The following CERS3 variants were observed in gnomAD, a reference collection of about 807,000 sequenced individuals.
CERS3 encodes the protein ceramide synthase 3, also known as LAG1 homolog, ceramide synthase 3.
In CERS3, 33 loss-of-function variants were observed where a neutral mutation model predicts 50.3. The observed-to-expected ratio is 0.66, with a 90% CI of 0.50 to 0.88. The LOEUF is 0.88. CERS3 is among the 40% of genes least tolerant of loss of function. The probability of loss-of-function intolerance (pLI) is 0.00; values close to 1 mark genes in which losing one functional copy is unlikely to be tolerated. For missense variants in CERS3, 470 were observed against 460.3 expected, an observed-to-expected ratio of 1.02 and a Z score of -0.19; for synonymous variants, 176 against 155.2, an observed-to-expected ratio of 1.13 and a Z score of -0.99.
In CERS3 at chr15:100,518,124, G is replaced by C. The variant is rs573197500; in HGVS notation, c.-2+3543C>G. ...TCGTAAGACCTCATACTGGAAAAAG[G>C]CTAGTCTTTTCTGTCTAGCCCTGTC... On this transcript the variant is annotated intron_variant, in intron 2 of 11. Transcript: ENST00000679737. Among the ~76,000 whole-genome samples the C allele has an allele frequency of 2.6e-5, 4 of 152,262 alleles. No individual in the cohort carries two copies. The East Asian group carries it at 7.7e-4, about 29-fold the overall frequency.
intron 10 of CERS3, among the ~76,000 whole-genome samples, chr15:100,462,110 G>C (rs907132451): frequency 8.5e-5 from 13 of 152,146 alleles, no homozygotes; most frequent in Non-Finnish European, 1.0e-4. Flanking sequence ...TACAGCAACT[G>C]AATGGAATTT....
chr15:100,417,352 C>T (rs1195218445), intron 11 of CERS3, among the ~76,000 whole-genome samples: 1 of 152,136 alleles, frequency 6.6e-6, no homozygotes, highest in Non-Finnish European at 1.5e-5. Flanking sequence ...TCACTCCCAC[C>T]CTAATACTGC....
At chr15:100,484,507 G>T (rs934330300) in intron 5 of CERS3, 43 bp downstream of exon 5, 2 of 1,353,104 alleles carry the variant, frequency 1.5e-6, no homozygotes, top group Admixed American at 1.7e-5. Context: ...CTCAGCTCCA[G>T]ATAGGACGGC....
intron 2 of CERS3, among the ~76,000 whole-genome samples, chr15:100,507,615 C>G (rs2036222296): frequency 6.6e-6 from 1 of 152,238 alleles, no homozygotes; most frequent in African/African-American, 2.4e-5. Flanking sequence ...GACATGCCAC[C>G]AGCTCAGCAT....
At chr15:100,407,693 T>A (rs2031157784) in intron 11 of CERS3, among the ~76,000 whole-genome samples, 1 of 152,238 alleles carries the variant, frequency 6.6e-6, no homozygotes, top group South Asian at 2.1e-4. Context: ...GTTGTATCAG[T>A]ACTGGACATT....
chr15:100,539,911 T>A (rs2037159101), intron 1 of CERS3, among the ~76,000 whole-genome samples: 2 of 152,134 alleles, frequency 1.3e-5, no homozygotes, highest in Admixed American at 1.3e-4. Flanking sequence ...CTGTTTCCCT[T>A]CCCTTTCTGG....
At chr15:100,489,240 G>C (rs181859280) in intron 4 of CERS3, among the ~76,000 whole-genome samples, 1 of 152,188 alleles carries the variant, frequency 6.6e-6, no homozygotes, top group South Asian at 2.1e-4. Context: ...TAGCATGGTG[G>C]AAAGGTCACT....
intron 3 of CERS3, among the ~76,000 whole-genome samples, chr15:100,497,888 CACA>C (rs2035872699): frequency 1.5e-5 from 1 of 67,088 alleles, no homozygotes; most frequent in Admixed American, 1.5e-4. Context: ...CACACACACA[CACA>C]CACACTTTTT....
intron 1 of CERS3, among the ~76,000 whole-genome samples, chr15:100,537,562 C>T (rs576142925): frequency 3.3e-5 from 5 of 152,238 alleles, no homozygotes; most frequent in South Asian, 2.1e-4. Flanking sequence ...AAGTGCCAAG[C>T]GAAGTGGGGA....
intron 11 of CERS3, among the ~76,000 whole-genome samples, chr15:100,409,492 C>T (rs754972183): frequency 2.0e-5 from 3 of 152,074 alleles, no homozygotes; most frequent in Admixed American, 6.5e-5. Flanking sequence ...AAAACCATAT[C>T]GCAACTGCAG....
chr15:100,477,589 T>C (rs66582569), intron 7 of CERS3, among the ~76,000 whole-genome samples: 9,874 of 152,262 alleles, frequency 0.065, 359 homozygotes, highest in African/African-American at 0.088. Flanking sequence ...AAGTGAACCC[T>C]GTTTCTTGAG....
intron 11 of CERS3, among the ~76,000 whole-genome samples, chr15:100,404,174 G>A (rs2030792630): frequency 6.6e-6 from 1 of 152,174 alleles, no homozygotes; most frequent in Non-Finnish European, 1.5e-5. Context: ...ACACGACCCT[G>A]CTAACTGACA....
intron 11 of CERS3, among the ~76,000 whole-genome samples, chr15:100,421,660 A>G (rs1464901396): frequency 6.6e-6 from 1 of 150,464 alleles, no homozygotes; most frequent in African/African-American, 2.5e-5. Flanking sequence ...AGCTGGAGGC[A>G]TCATGCTACC....
chr15:100,448,846 C>T (rs1435703277), intron 11 of CERS3, among the ~76,000 whole-genome samples: 3 of 152,194 alleles, frequency 2.0e-5, no homozygotes, highest in African/African-American at 7.2e-5. Flanking sequence ...AAGTGCAAGC[C>T]ACTGGCAGTG....
At chr15:100,429,225 G>A (rs1050273849) in intron 11 of CERS3, among the ~76,000 whole-genome samples, 10 of 152,184 alleles carry the variant, frequency 6.6e-5, no homozygotes, top group African/African-American at 2.2e-4. Flanking sequence ...CTGCACCGGG[G>A]GAGCTGGTTT....
intron 11 of CERS3, among the ~76,000 whole-genome samples, chr15:100,434,608 G>T (rs1333517231): frequency 6.6e-6 from 1 of 152,188 alleles, no homozygotes; most frequent in Admixed American, 6.5e-5. Context: ...CACAGGGAGG[G>T]TGTGGCCACA....
chr15:100,508,838 C>T (rs905657776), intron 2 of CERS3, among the ~76,000 whole-genome samples: 1 of 152,102 alleles, frequency 6.6e-6, no homozygotes, highest in African/African-American at 2.4e-5. Flanking sequence ...CTCAAGGCCC[C>T]TTTTTCTCAT....
chr15:100,539,456 T>C (rs57212335), intron 1 of CERS3, among the ~76,000 whole-genome samples: 324 of 152,282 alleles, frequency 2.1e-3, no homozygotes, highest in African/African-American at 7.4e-3. Context: ...TTGGCATGGC[T>C]GGGAAGGCCT....
chr15:100,507,113 G>A (rs553113866), intron 2 of CERS3, among the ~76,000 whole-genome samples: 1 of 152,052 alleles, frequency 6.6e-6, no homozygotes, highest in Non-Finnish European at 1.5e-5. Context: ...AGTCAAGCTT[G>A]CATCCACGAA....
Sources: gnomAD v4.1 joint callset for allele counts (sites outside exome capture counted in the v4.1 genomes callset) on GRCh38, gnomAD v4.1.1 for gene constraint, MANE v1.5 for transcripts, NCBI Gene and HGNC (gene_info 2026-07-23, HGNC 2026-07-21) for gene names.